SORBS2: variants seen among roughly 807,000 people sequenced by gnomAD.
SORBS2 encodes the protein sorbin and SH3 domain-containing protein 2.
SORBS2 carries 46 observed loss-of-function variants against 97.7 expected under a neutral mutation model. The ratio of observed to expected loss-of-function variants is 0.47; its 90% CI spans 0.37 to 0.60. SORBS2 has a LOEUF of 0.60. Ranked by LOEUF, SORBS2 falls within the 20% of genes least tolerant of loss-of-function variation. The pLI is 0.00. For synonymous variants in SORBS2, 476 were observed against 473.4 expected, an observed-to-expected ratio of 1.01 and a Z score of -0.07; for missense variants, 1,316 against 1,282.3, an observed-to-expected ratio of 1.03 and a Z score of -0.40.
At chr4:185,592,489 A>C (rs1443654624) in intron 13 of SORBS2, among the ~76,000 whole-genome samples, 1 of 152,214 alleles carries the variant, frequency 6.6e-6, no homozygotes, top group Non-Finnish European at 1.5e-5. Context: ...GTTTGGGTAA[A>C]TAAGAGAACA....
At chr4:185,635,710 A>G (rs566159171) in intron 4 of SORBS2, among the ~76,000 whole-genome samples, 3 of 152,234 alleles carry the variant, frequency 2.0e-5, no homozygotes, top group Non-Finnish European at 4.4e-5. Flanking sequence ...AGAGGAATGC[A>G]AGGTAAATTA....
chr4:185,596,002 A>G (rs1015906704), intron 12 of SORBS2, among the ~76,000 whole-genome samples: 2 of 152,188 alleles, frequency 1.3e-5, no homozygotes, highest in African/African-American at 2.4e-5. Context: ...ATACCAAGAT[A>G]GCTACTACTC....
At chr4:185,812,694 A>T (rs1470407166) in intron 1 of SORBS2, among the ~76,000 whole-genome samples, 1 of 152,206 alleles carries the variant, frequency 6.6e-6, no homozygotes. Flanking sequence ...AACCCTGTGA[A>T]TTGCTATATA....
At chr4:185,832,971 C>T (rs951365786) in intron 1 of SORBS2, among the ~76,000 whole-genome samples, 18 of 152,124 alleles carry the variant, frequency 1.2e-4, no homozygotes, top group Admixed American at 4.6e-4. Context: ...TTCTTTTCTT[C>T]TAGTGATGGC....
intron 2 of SORBS2, among the ~76,000 whole-genome samples, chr4:185,688,587 T>C (rs1251039040): frequency 6.6e-6 from 1 of 152,120 alleles, no homozygotes; most frequent in Admixed American, 6.5e-5. Flanking sequence ...AAATAACTTG[T>C]GGGGCCACTT....
intron 2 of SORBS2, among the ~76,000 whole-genome samples, chr4:185,697,120 T>G (rs890773032): frequency 6.6e-6 from 1 of 152,232 alleles, no homozygotes; most frequent in African/African-American, 2.4e-5. Flanking sequence ...CCGAACAATT[T>G]ATACCAATGT....
chr4:185,797,295 A>G (rs2099109417), intron 1 of SORBS2, among the ~76,000 whole-genome samples: 1 of 152,170 alleles, frequency 6.6e-6, no homozygotes, highest in Non-Finnish European at 1.5e-5. Flanking sequence ...ACCTTAGTTC[A>G]TGCCCAAGTT....
rs986212212 is a variant in SORBS2 at position 185,593,756 on chromosome 4, T to C, written c.2846+130A>G. The C allele has an allele frequency of 7.5e-6, 5 of 662,552 alleles. No homozygotes were observed. The African/African-American group carries it at 9.3e-5, about 12-fold the overall frequency. 41.0% of individuals were successfully genotyped at this position (662,552 alleles called of 1,614,324 possible). ...AAGATGGAGAGACTATTACAATTTC[T>C]CGTAATTTAAGAGGCCTCATGTTAG... On this transcript the variant is annotated intron_variant, in intron 13 of 14. Coordinates refer to ENST00000418609, the Ensembl canonical transcript of SORBS2.
intron 2 of SORBS2, among the ~76,000 whole-genome samples, chr4:185,717,463 C>A (rs746534288): frequency 2.6e-5 from 4 of 152,198 alleles, no homozygotes; most frequent in African/African-American, 9.6e-5. Context: ...CTGTGTGCAA[C>A]GCGTATTATT....
chr4:185,751,172 T>TCAAAAAAAAAAAAAAA (rs2098796585), intron 2 of SORBS2, among the ~76,000 whole-genome samples: 1 of 31,706 alleles, frequency 3.2e-5, no homozygotes, highest in Non-Finnish European at 6.5e-5. Context: ...CTCTAAATAC[T>TCAAAAAAAAAAAAAAA]AAAAAAAAAA....
chr4:185,632,722 T>A (rs1391829844), intron 4 of SORBS2, among the ~76,000 whole-genome samples: 2 of 152,192 alleles, frequency 1.3e-5, no homozygotes, highest in Non-Finnish European at 2.9e-5. Flanking sequence ...AATTGTCAAC[T>A]TATAATGAGC....
chr4:185,796,193 C>T (rs1337765684), intron 1 of SORBS2, among the ~76,000 whole-genome samples: 1 of 152,178 alleles, frequency 6.6e-6, no homozygotes, highest in African/African-American at 2.4e-5. Flanking sequence ...AGGCATGAGC[C>T]ACCCCACCTG....
intron 1 of SORBS2, among the ~76,000 whole-genome samples, chr4:185,807,539 T>C (rs897759222): frequency 4.6e-5 from 7 of 152,196 alleles, no homozygotes; most frequent in African/African-American, 1.4e-4. Flanking sequence ...TATGGATCTG[T>C]TATGCTGCAA....
chr4:185,647,186 T>C (rs1303535017), intron 3 of SORBS2, among the ~76,000 whole-genome samples: 2 of 151,996 alleles, frequency 1.3e-5, no homozygotes, highest in East Asian at 3.9e-4. Flanking sequence ...AGCACAGAAG[T>C]GTCATGTGGG....
At chr4:185,649,953 T>C (rs779763808) in intron 2 of SORBS2, among the ~76,000 whole-genome samples, 4 of 152,212 alleles carry the variant, frequency 2.6e-5, no homozygotes, top group Admixed American at 6.5e-5. Context: ...AATAGACTTA[T>C]AAGCACTCAG....
At chr4:185,847,035 T>C (rs886420628) in intron 1 of SORBS2, among the ~76,000 whole-genome samples, 2 of 151,762 alleles carry the variant, frequency 1.3e-5, no homozygotes, top group African/African-American at 4.8e-5. Context: ...GTGGCGGGAG[T>C]GGCGATAGAG....
intron 2 of SORBS2, among the ~76,000 whole-genome samples, chr4:185,719,146 G>A (rs1213958936): frequency 2.0e-5 from 3 of 152,172 alleles, no homozygotes; most frequent in African/African-American, 7.2e-5. Context: ...TAAAGTATAT[G>A]TTTTAGAAAC....
At position 185,623,635 on chromosome 4, in the gene SORBS2, C is replaced by T; in HGVS notation, c.1494G>A (p.Glu498=). 2 of 1,614,134 alleles carry T rather than the reference C, an allele frequency of 1.2e-6. No homozygotes were observed. The highest frequency in any genetic ancestry group is 1.1e-5 in the South Asian group (1 of 91,080). The change falls in exon 7 of 15, where the codon GAG becomes GAA. Residue 498 remains glutamate, a synonymous_variant. Coordinates refer to ENST00000418609, the Ensembl canonical transcript of SORBS2. The surrounding 1 kb of genome is among the most constrained non-coding windows in gnomAD (Gnocchi z 6.4). ...CCCCGTCCTGGTCGCTGTCGGAAAACTCCACGTGTGCTCGGGGCTGCTCAT... is the reference window on the plus strand; with the variant it reads ...CCCCGTCCTGGTCGCTGTCGGAAAATTCCACGTGTGCTCGGGGCTGCTCAT...
Position 185,593,876 on chromosome 4 carries a change from G to A in SORBS2, c.2846+10C>T. The A allele has an allele frequency of 1.3e-6, 2 of 1,573,342 alleles. No individual in the cohort carries two copies. The highest frequency in any genetic ancestry group is 1.7e-6 in the Non-Finnish European group (2 of 1,143,068). Reference sequence around the variant, plus strand: ...TAGTCTCAAATTTAGAAGATAAGAAGAATACTTACGGTTCCCCCCCACCTT... The same window carrying A: ...TAGTCTCAAATTTAGAAGATAAGAAAAATACTTACGGTTCCCCCCCACCTT... On this transcript the variant is annotated intron_variant, in intron 13 of 14. Coordinates refer to ENST00000418609, the Ensembl canonical transcript of SORBS2.
Sources: gnomAD v4.1 joint callset for allele counts (sites outside exome capture counted in the v4.1 genomes callset) on GRCh38, gnomAD v4.1.1 for gene constraint, Gnocchi (gnomAD v3.1) non-coding constraint, MANE v1.5 for transcripts, NCBI Gene and HGNC (gene_info 2026-07-23, HGNC 2026-07-21) for gene names.